The following UBE3A variants were observed in gnomAD, a reference collection of about 807,000 sequenced individuals.
UBE3A encodes ubiquitin-protein ligase E3A.
In UBE3A, 6 loss-of-function variants were observed where a neutral mutation model predicts 83.4. That is an observed-to-expected ratio of 0.07 (90% CI 0.04 to 0.14). The LOEUF is 0.14. Among genes scored for constraint, UBE3A ranks in the 10% least tolerant of loss-of-function variants. The probability of loss-of-function intolerance (pLI) is 1.00; values close to 1 mark genes in which losing one functional copy is unlikely to be tolerated. For missense variants in UBE3A, 456 were observed against 1,036.1 expected (o/e 0.44, Z 7.69); for synonymous variants, 337 against 355.4 (o/e 0.95, Z 0.58).
rs558452634 is a variant in UBE3A at position 25,338,541 on chromosome 15, A to C, written c.*596T>G. ...CTTTCTTTATTGATTGATTCTCAAG[A>C]TTTTGCACAGAAAACTCTTTGGGGG... On this transcript the variant is annotated 3_prime_UTR_variant, in exon 13 of 13. Transcript: ENST00000648336. The C allele has an allele frequency of 6.6e-6, 1 of 152,170 alleles. No individual in the cohort carries two copies. The highest frequency in any genetic ancestry group is 2.1e-4 in the South Asian group (1 of 4,820). 9.4% of individuals were successfully genotyped at this position (152,170 alleles called of 1,614,324 possible). A position where few individuals can be genotyped will look rare whatever the true frequency, so the allele number is the denominator to read the frequency against.
chr15:25,425,541 G>C (rs1891075789), intron 1 of UBE3A, among the ~76,000 whole-genome samples: 1 of 152,064 alleles, frequency 6.6e-6, no homozygotes, highest in African/African-American at 2.4e-5. Context: ...AAAGCTGTAT[G>C]TATATCAGTA....
chr15:25,340,278 T>TG (rs773350583), intron 11 of UBE3A, 50 bp from the exon 12 acceptor site: 1 of 1,576,782 alleles, frequency 6.3e-7, no homozygotes, highest in East Asian at 2.2e-5. Context: ...TCATTATGAC[T>TG]GGTACTAACA....
chr15:25,347,288 C>A (rs1334435845), intron 11 of UBE3A: 1 of 151,990 alleles, frequency 6.6e-6, no homozygotes. Flanking sequence ...GGGAAAGAGA[C>A]CCAACTGAAA....
intron 1 of UBE3A, among the ~76,000 whole-genome samples, chr15:25,419,622 AT>A (rs1215540091): frequency 6.6e-6 from 1 of 152,142 alleles, no homozygotes; most frequent in Non-Finnish European, 1.5e-5. Context: ...GAAGGTAAAT[AT>A]AAAGGAATGT....
intron 4 of UBE3A, among the ~76,000 whole-genome samples, chr15:25,387,529 A>C (rs554347928): frequency 6.6e-6 from 1 of 152,282 alleles, no homozygotes; most frequent in African/African-American, 2.4e-5. Context: ...CTCAAAAAAA[A>C]AAGAAAAGAA....
intron 7 of UBE3A, among the ~76,000 whole-genome samples, chr15:25,358,751 G>A (rs1002939839): frequency 3.9e-5 from 6 of 152,066 alleles, no homozygotes; most frequent in Non-Finnish European, 7.4e-5. Flanking sequence ...TTAAGCTTAG[G>A]ACATTTTCTG....
intron 11 of UBE3A, among the ~76,000 whole-genome samples, chr15:25,342,918 G>C (rs1446648995): frequency 1.3e-5 from 2 of 152,146 alleles, no homozygotes; most frequent in African/African-American, 4.8e-5. Context: ...GCAATGGCAG[G>C]CTCAGGAAGG....
In UBE3A at chr15:25,370,934, T is replaced by C; in HGVS notation, c.1240A>G (p.Arg414Gly). The C allele has an allele frequency of 6.2e-7, 1 of 1,614,170 alleles. No homozygotes were observed. The highest frequency in any genetic ancestry group is 8.5e-7 in the Non-Finnish European group (1 of 1,180,028). The change falls in exon 6 of 13, where the codon AGA becomes GGA. Residue 414 changes from arginine to glycine, a missense_variant. Transcript: ENST00000648336. The surrounding 1 kb of genome is among the most constrained non-coding windows in gnomAD (Gnocchi z 4.2). Reference sequence around the variant, plus strand: ...ACTCGAGGACCTTTCTTGTTTCTTCTTTCTTCTCCCAAAAGTTCCTGAAGT... The same window carrying C: ...ACTCGAGGACCTTTCTTGTTTCTTCCTTCTTCTCCCAAAAGTTCCTGAAGT... The part of the protein sequence containing the change: ...LTLQELLGEE[R>G]RNKKGPRVDP...
chr15:25,400,126 T>G (rs996477817), intron 4 of UBE3A, among the ~76,000 whole-genome samples: 10 of 152,222 alleles, frequency 6.6e-5, no homozygotes, highest in Non-Finnish European at 8.8e-5. Context: ...TTTTACAATA[T>G]TAATTCTTCC....
chr15:25,348,543 G>C (rs1296568132), intron 11 of UBE3A, among the ~76,000 whole-genome samples: 1 of 152,132 alleles, frequency 6.6e-6, no homozygotes, highest in East Asian at 1.9e-4. Flanking sequence ...AACCTGTCTT[G>C]ATTTGTAGAT....
chr15:25,405,143 A>C (rs2088168420), intron 4 of UBE3A, among the ~76,000 whole-genome samples: 1 of 150,662 alleles, frequency 6.6e-6, no homozygotes, highest in Non-Finnish European at 1.5e-5. Context: ...TGATGCCTTA[A>C]ATATGGTAGG....
chr15:25,438,008 T>G (rs1418601434), intron 1 of UBE3A: 1 of 152,172 alleles, frequency 6.6e-6, no homozygotes, highest in Admixed American at 6.6e-5. Flanking sequence ...TACCACTTCA[T>G]CCGCCCTCCC....
intron 4 of UBE3A, among the ~76,000 whole-genome samples, chr15:25,395,924 G>A (rs2085459318): frequency 6.6e-6 from 1 of 152,152 alleles, no homozygotes; most frequent in Non-Finnish European, 1.5e-5. Flanking sequence ...ATCTGATCTG[G>A]TTGGGTGCGG....
chr15:25,372,852 ATGTAG>A (rs2080520604), intron 5 of UBE3A, among the ~76,000 whole-genome samples: 1 of 152,192 alleles, frequency 6.6e-6, no homozygotes, highest in African/African-American at 2.4e-5. Flanking sequence ...ACCCTTATAC[ATGTAG>A]TGTACAACAT....
rs1206769716 is a variant in UBE3A, at chr15:25,336,313, G to C, written c.*2824C>G. On this transcript the variant is annotated 3_prime_UTR_variant, in exon 13 of 13. Transcript: ENST00000648336. ...AAAAATTACAGTAAGCAGGTAAAGG[G>C]ATCAAGACTACACAGGGACTAGTCT... 1.3e-5 allele frequency: 2 copies of C among 152,098 alleles called. No homozygotes were observed. The highest frequency in any genetic ancestry group is 1.5e-5 in the Non-Finnish European group (1 of 68,028). The allele number at this position is 152,098 out of a possible 1,614,324, so 9.4% of individuals were successfully genotyped here.
chr15:25,340,960 A>T (rs1363590729), intron 11 of UBE3A, among the ~76,000 whole-genome samples: 1 of 152,168 alleles, frequency 6.6e-6, no homozygotes, highest in Non-Finnish European at 1.5e-5. Context: ...AATGACACTT[A>T]TGTTAGTTTG....
At chr15:25,406,158 C>A (rs2088484929) in intron 3 of UBE3A, among the ~76,000 whole-genome samples, 1 of 152,158 alleles carries the variant, frequency 6.6e-6, no homozygotes, top group African/African-American at 2.4e-5. Context: ...CCAGACAATT[C>A]AAACTAAAAT....
intron 1 of UBE3A, among the ~76,000 whole-genome samples, chr15:25,421,591 T>C (rs767602301): frequency 3.9e-5 from 6 of 152,060 alleles, no homozygotes; most frequent in Non-Finnish European, 7.4e-5. Context: ...GTTTAATGGA[T>C]AGGGTTTCAG....
At chr15:25,431,973 C>T (rs2153185004) in intron 1 of UBE3A, among the ~76,000 whole-genome samples, 1 of 152,080 alleles carries the variant, frequency 6.6e-6, no homozygotes, top group East Asian at 1.9e-4. Flanking sequence ...CCCTTATGAC[C>T]CATTAGCTTT....
Sources: allele counts gnomAD v4.1 joint callset (sites outside exome capture counted in the v4.1 genomes callset), GRCh38; gene constraint gnomAD v4.1.1; non-coding constraint Gnocchi (gnomAD v3.1); transcripts MANE v1.5; gene names NCBI Gene and HGNC (gene_info 2026-07-23, HGNC 2026-07-21).